LRRC7: variants seen among roughly 807,000 people sequenced by gnomAD.
LRRC7 encodes the protein leucine-rich repeat-containing protein 7.
Under a neutral mutation model 175.7 loss-of-function variants are expected in LRRC7, and 23 were observed. That is an observed-to-expected ratio of 0.13 (90% CI 0.09 to 0.19). The LOEUF (loss-of-function observed/expected upper bound fraction) is 0.19. LRRC7 is among the 10% of genes least tolerant of loss of function. The pLI is 1.00. For synonymous variants in LRRC7, 685 were observed against 680.9 expected (o/e 1.01, Z -0.09); for missense variants, 1,354 against 1,904.7 (o/e 0.71, Z 5.38).
At chr1:69,687,533 AAAAAAG>A (rs1453737902) in intron 2 of LRRC7, among the ~76,000 whole-genome samples, 74 of 115,506 alleles carry the variant, frequency 6.4e-4, no homozygotes, top group South Asian at 1.3e-3. Context: ...AAAAAAAAAA[AAAAAAG>A]AAAAAAGAAA....
At position 70,016,664 on chromosome 1, in the gene LRRC7, A is replaced by G. The variant is rs571475740; in HGVS notation, c.1320+130A>G. The stretch of plus-strand genomic sequence containing the variant: ...GTAGATTGTTTTTATCCCCAGAAAG[A>G]GAGAATTTTGTAAAGATAGCAATTC... On this transcript the variant is annotated intron_variant, in intron 14 of 26. Coordinates refer to ENST00000651989, the MANE Select transcript of LRRC7 (RefSeq NM_001370785.2). 179 of 669,158 alleles carry G rather than the reference A, an allele frequency of 2.7e-4. 1 individual carries two copies. In the African/African-American group the frequency reaches 2.9e-3, roughly 11 times the overall value. 41.5% of individuals were successfully genotyped at this position (669,158 alleles called of 1,614,324 possible).
intron 7 of LRRC7, among the ~76,000 whole-genome samples, chr1:69,889,765 C>T (rs1219097569): frequency 2.6e-5 from 4 of 152,072 alleles, no homozygotes; most frequent in Non-Finnish European, 5.9e-5. Flanking sequence ...CAAGACTGTG[C>T]CACTCACTCC....
Position 70,136,727 on chromosome 1 carries a change from T to C in LRRC7, c.*14840T>C. 7.2e-6 allele frequency among the ~76,000 whole-genome samples: 1 copy of C among 138,024 alleles called. No individual in the cohort carries two copies. Among genetic ancestry groups the C allele is most frequent in the Non-Finnish European group, 1.6e-5 (1 of 63,688 alleles). The allele number at this position is 138,024 out of a possible 152,430, so 90.5% of individuals were successfully genotyped here. On this transcript the variant is annotated 3_prime_UTR_variant, in exon 27 of 27. Coordinates refer to ENST00000651989, the MANE Select transcript of LRRC7 (RefSeq NM_001370785.2). Reference sequence around the variant, plus strand: ...TTTATTGCTTTTTTAATGCCTTTTTTTTTTTTTTTTTTTTTTTTCTGAGAC... The same window carrying C: ...TTTATTGCTTTTTTAATGCCTTTTTCTTTTTTTTTTTTTTTTTTCTGAGAC...
intron 23 of LRRC7, among the ~76,000 whole-genome samples, chr1:70,067,083 G>A (rs1662033654): frequency 6.6e-6 from 1 of 151,804 alleles, no homozygotes; most frequent in South Asian, 2.1e-4. Flanking sequence ...TATCCTCTTT[G>A]GTAAAATGTC....
intron 7 of LRRC7, among the ~76,000 whole-genome samples, chr1:69,856,124 C>T (rs1402377144): frequency 6.6e-6 from 1 of 152,158 alleles, no homozygotes; most frequent in Non-Finnish European, 1.5e-5. Flanking sequence ...AGCCCATTTA[C>T]ATTTAAGGTT....
chr1:70,001,218 G>GAA (rs1655491741), intron 11 of LRRC7, among the ~76,000 whole-genome samples: 1 of 151,910 alleles, frequency 6.6e-6, no homozygotes, highest in African/African-American at 2.4e-5. Flanking sequence ...TATAGAAATC[G>GAA]AAATCAGTGT....
At chr1:69,816,164 G>C (rs1010784020) in intron 4 of LRRC7, among the ~76,000 whole-genome samples, 4 of 151,936 alleles carry the variant, frequency 2.6e-5, no homozygotes, top group African/African-American at 9.7e-5. Context: ...TTTTAGTACA[G>C]ACGGGGTTTC....
intron 1 of LRRC7, among the ~76,000 whole-genome samples, chr1:69,660,923 C>T (rs763510506): frequency 3.9e-5 from 6 of 151,918 alleles, no homozygotes; most frequent in Non-Finnish European, 8.8e-5. Flanking sequence ...AGGCTGTACA[C>T]GTATGCTCTA....
At chr1:70,017,765 T>C (rs1343376154) in intron 14 of LRRC7, among the ~76,000 whole-genome samples, 1 of 152,118 alleles carries the variant, frequency 6.6e-6, no homozygotes, top group Non-Finnish European at 1.5e-5. Flanking sequence ...CAAAAATTAG[T>C]AATTCAAATT....
intron 7 of LRRC7, among the ~76,000 whole-genome samples, chr1:69,848,177 A>G (rs1682585548): frequency 6.6e-6 from 1 of 152,060 alleles, no homozygotes; most frequent in African/African-American, 2.4e-5. Context: ...TTTCCATGGG[A>G]ATTTGGATCT....
intron 7 of LRRC7, among the ~76,000 whole-genome samples, chr1:69,893,851 G>A (rs2101650054): frequency 6.6e-6 from 1 of 152,064 alleles, no homozygotes; most frequent in South Asian, 2.1e-4. Flanking sequence ...TGAGCTCTTG[G>A]TTTTGAGGAA....
At chr1:70,011,389 A>G (rs543518894) in intron 11 of LRRC7, among the ~76,000 whole-genome samples, 1 of 151,850 alleles carries the variant, frequency 6.6e-6, no homozygotes, top group Non-Finnish European at 1.5e-5. Flanking sequence ...CATTTTATCA[A>G]TGTTTTGTTT....
rs1194218105 is a variant in LRRC7 at position 70,124,245 on chromosome 1, C to T, written c.*2358C>T. On this transcript the variant is annotated 3_prime_UTR_variant, in exon 27 of 27. Transcript: ENST00000651989. The stretch of plus-strand genomic sequence containing the variant: ...GCAGGTAATAATGAAAACAGGCAGG[C>T]CAGGCGTGGTGGCTCACACTAGTAA... Among the ~76,000 whole-genome samples, 1 of 152,210 alleles carries T rather than the reference C, an allele frequency of 6.6e-6. No individual in the cohort carries two copies. The highest frequency in any genetic ancestry group is 1.5e-5 in the Non-Finnish European group (1 of 68,044).
intron 3 of LRRC7, among the ~76,000 whole-genome samples, chr1:69,776,789 A>G (rs55875632): frequency 0.15 from 21,979 of 151,448 alleles, 1,681 homozygotes; most frequent in Middle Eastern, 0.2. Flanking sequence ...ATGCAACCTC[A>G]CTACCTTGCT....
intron 7 of LRRC7, among the ~76,000 whole-genome samples, chr1:69,856,180 G>C (rs1396631395): frequency 6.6e-6 from 1 of 151,974 alleles, no homozygotes; most frequent in East Asian, 1.9e-4. Flanking sequence ...GATGTTAGCT[G>C]GTTATTTTGC....
chr1:69,958,085 T>G (rs574501177), intron 8 of LRRC7, among the ~76,000 whole-genome samples: 17 of 152,142 alleles, frequency 1.1e-4, no homozygotes, highest in Admixed American at 3.3e-4. Flanking sequence ...CTATATATCA[T>G]CTAATGATTC....
At chr1:69,919,336 AC>A in intron 7 of LRRC7, 1 of 587,918 alleles carries the variant, frequency 1.7e-6, no homozygotes, top group Non-Finnish European at 3.0e-6. Context: ...ATTTACAAAA[AC>A]AAGAGCGTGA....
In LRRC7 at chr1:70,137,373, A is replaced by G. The variant is rs1277653170; in HGVS notation, c.*15486A>G. ...CTTACTGTTCCACTTAAAGGGATCA[A>G]TCTGAGGGAAGAAGAGAAGTTAACC... On this transcript the variant is annotated 3_prime_UTR_variant, in exon 27 of 27. Transcript: ENST00000651989. 6.6e-6 allele frequency among the ~76,000 whole-genome samples: 1 copy of G among 152,204 alleles called. No individual in the cohort carries two copies. Among genetic ancestry groups the G allele is most frequent in the Non-Finnish European group, 1.5e-5 (1 of 68,034 alleles).
chr1:70,065,051 G>A (rs1004025940), intron 23 of LRRC7, among the ~76,000 whole-genome samples: 3 of 151,722 alleles, frequency 2.0e-5, no homozygotes, highest in South Asian at 2.1e-4. Context: ...TGCTGTCACC[G>A]TTTTCCACAA....
Sources: gnomAD v4.1 joint callset for allele counts (sites outside exome capture counted in the v4.1 genomes callset) on GRCh38, gnomAD v4.1.1 for gene constraint, MANE v1.5 for transcripts, NCBI Gene and HGNC (gene_info 2026-07-23, HGNC 2026-07-21) for gene names.